Variants in PLD2 observed in about 807,000 individuals in gnomAD.
PLD2 encodes phospholipase D2, also known as choline phosphatase 2.
Under a neutral mutation model 119.8 loss-of-function variants are expected in PLD2, and 101 were observed. The ratio of observed to expected loss-of-function variants is 0.84; its 90% CI spans 0.72 to 0.99. The LOEUF is 0.99. Among genes scored for constraint, PLD2 ranks in the 50% least tolerant of loss-of-function variants. The probability of loss-of-function intolerance (pLI) is 0.00; values close to 1 mark genes in which losing one functional copy is unlikely to be tolerated. For missense variants in PLD2, 1,164 were observed against 1,226.8 expected (o/e 0.95, Z 0.76); for synonymous variants, 494 against 482.8 (o/e 1.02, Z -0.30).
At chr17:4,818,466 C>T (rs376477832) in intron 19 of PLD2, 28 bp from the exon 20 acceptor site, 25 of 1,597,304 alleles carry the variant, frequency 1.6e-5, no homozygotes, top group Admixed American at 5.0e-5. Context: ...AGGGACCAGT[C>T]GCACCTCTGA....
At chr17:4,812,046 C>A (rs1468901153) in intron 10 of PLD2, among the ~76,000 whole-genome samples, 4 of 151,324 alleles carry the variant, frequency 2.6e-5, no homozygotes, top group African/African-American at 9.7e-5. Context: ...AACTCCTGGG[C>A]TCAAGGGATC....
intron 14 of PLD2, 89 bp downstream of exon 14, chr17:4,816,023 C>T: frequency 1.0e-6 from 1 of 977,540 alleles, no homozygotes; most frequent in Non-Finnish European, 1.6e-6. Flanking sequence ...CCCCCTCAGT[C>T]ATTCCAGGCC....
At chr17:4,817,375 C>T (rs1342365903) in intron 17 of PLD2, 116 bp downstream of exon 17, 2 of 782,466 alleles carry the variant, frequency 2.6e-6, no homozygotes, top group African/African-American at 1.7e-5. Flanking sequence ...TTAAGAAGCA[C>T]ATCACGGCCA....
intron 10 of PLD2, among the ~76,000 whole-genome samples, chr17:4,813,791 G>A (rs757297211): frequency 6.6e-6 from 1 of 152,118 alleles, no homozygotes; most frequent in Non-Finnish European, 1.5e-5. Context: ...CCCAAGAGGC[G>A]GAGGTTGCAG....
Position 4,819,780 on chromosome 17 carries a change from C to T in PLD2, c.2462+198C>T, listed in dbSNP as rs189221762. On this transcript the variant is annotated intron_variant, in intron 23 of 24. Coordinates refer to ENST00000263088, the MANE Select transcript of PLD2 (RefSeq NM_002663.5). This position sits in a 1 kb window ranked among gnomAD's most constrained non-coding sequence, Gnocchi z 4.2. ...TGGGAGGCCAAGGCGGGTGGATTGC[C>T]TGAGGTCAGGATTTTGAGACCAGCC... 6.8e-4 allele frequency among the ~76,000 whole-genome samples: 104 copies of T among 151,902 alleles called. No individual in the cohort carries two copies. Among genetic ancestry groups the T allele is most frequent in the Non-Finnish European group, 1.1e-3 (73 of 67,980 alleles).
At position 4,820,722 on chromosome 17, in the gene PLD2, A is replaced by T. The variant is rs9635706; in HGVS notation, c.2463-1071A>T. Among the ~76,000 whole-genome samples the T allele has an allele frequency of 2.7e-5, 4 of 146,648 alleles. No individual in the cohort carries two copies. In the South Asian group the frequency reaches 8.7e-4, roughly 32 times the overall value. On this transcript the variant is annotated intron_variant, in intron 23 of 24. Coordinates refer to ENST00000263088, the MANE Select transcript of PLD2 (RefSeq NM_002663.5). Reference sequence around the variant, plus strand: ...CTCCCGAGTAGCTGGGACTACAGGCACCCGCCACCTCGCCCGGCTAATTTT... The same window carrying T: ...CTCCCGAGTAGCTGGGACTACAGGCTCCCGCCACCTCGCCCGGCTAATTTT...
Position 4,808,498 on chromosome 17 carries a change from C to T in PLD2, c.383+82C>T. ...GTCTGTCTCACCCCGGGGCCACAACCTTTCCTCCCTGCAACTCTGGCCACT... is the reference window on the plus strand; with the variant it reads ...GTCTGTCTCACCCCGGGGCCACAACTTTTCCTCCCTGCAACTCTGGCCACT... On this transcript the variant is annotated intron_variant, in intron 4 of 24. Transcript: ENST00000263088. The surrounding 1 kb of genome is among the most constrained non-coding windows in gnomAD (Gnocchi z 4.1). 1 of 1,403,304 alleles carries T rather than the reference C, an allele frequency of 7.1e-7. No individual in the cohort carries two copies. Among genetic ancestry groups the T allele is most frequent in the Middle Eastern group, 2.4e-4 (1 of 4,190 alleles). The allele number at this position is 1,403,304 out of a possible 1,614,324, so 86.9% of individuals were successfully genotyped here.
chr17:4,818,233 G>C, intron 18 of PLD2, 64 bp from the exon 19 acceptor site: 1 of 1,502,472 alleles, frequency 6.7e-7, no homozygotes. Flanking sequence ...TGGGACCAAG[G>C]CTGGAGGCCG....
intron 9 of PLD2, 152 bp downstream of exon 9, chr17:4,810,181 A>G (rs1906315495): frequency 1.3e-6 from 1 of 778,728 alleles, no homozygotes; most frequent in Non-Finnish European, 2.0e-6. Flanking sequence ...TGGTCTAGCC[A>G]GATGCTTGGG....
intron 12 of PLD2, among the ~76,000 whole-genome samples, 195 bp downstream of exon 12, chr17:4,814,906 A>G (rs1378487297): frequency 1.3e-5 from 2 of 152,110 alleles, no homozygotes; most frequent in African/African-American, 4.8e-5. Context: ...CTTCCTCTTC[A>G]TGCTCCCTCC....
intron 13 of PLD2, 39 bp downstream of exon 13, chr17:4,815,625 C>T: frequency 6.3e-7 from 1 of 1,578,504 alleles, no homozygotes; most frequent in East Asian, 2.2e-5. Context: ...CATGACAGCC[C>T]TTCTCCCCAC....
In PLD2 at chr17:4,808,403, C is replaced by T. The variant is rs1437937539; in HGVS notation, c.370C>T (p.Leu124Phe). 1.2e-6 allele frequency: 2 copies of T among 1,613,718 alleles called. No individual in the cohort carries two copies. The highest frequency in any genetic ancestry group is 1.3e-5 in the African/African-American group (1 of 74,884). ...LLRHKVLMSL[L>F]PLARFAVAYS... ...GAGACACAAAGTCTTGATGAGTCTG[C>T]TCCCTCTGGCTCGGTGAGGGCGACC... Residue 124 changes from leucine (L) to phenylalanine (F), a missense_variant, in exon 4 of 25, where the codon CTC becomes TTC. Leu to Phe is a conservative substitution (Grantham distance 22). Transcript: ENST00000263088. This position sits in a 1 kb window ranked among gnomAD's most constrained non-coding sequence, Gnocchi z 4.1.
rs1311548990 is a variant in PLD2, at chr17:4,809,199, C to T, written c.483C>T (p.Ser161=). Residue 161 remains serine, a synonymous_variant, in exon 5 of 25, where the codon AGC becomes AGT. Transcript: ENST00000263088. ...AGGGCTCCACCAGACATGCAGCCAG[C>T]AAACAGGTGGGACCAGATGCCAGGT... ...GPEGSTRHAA[S]KQKYLENYLN... is the part of the protein sequence containing the mutation. 3 of 1,614,070 alleles carry T rather than the reference C, an allele frequency of 1.9e-6. No individual in the cohort carries two copies. The Admixed American group carries it at 5.0e-5, about 27-fold the overall frequency.
In PLD2 at chr17:4,809,998, C is replaced by G; in HGVS notation, c.829C>G (p.Arg277Gly). The G allele has an allele frequency of 1.2e-6, 2 of 1,613,716 alleles. No individual in the cohort carries two copies. The highest frequency in any genetic ancestry group is 1.7e-6 in the Non-Finnish European group (2 of 1,180,032). The change falls in exon 9 of 25, where the codon CGG (arginine) becomes GGG (glycine). Residue 277 changes from arginine (R) to glycine (G), a missense_variant. Physicochemically the swap from Arg to Gly is moderately radical, Grantham distance 125 (BLOSUM62 -2). Transcript: ENST00000263088. Reference sequence around the variant, plus strand: ...AGTGGGGAAAAGGAGCACGGAGGCACGGCACGGCGTGCGGATCGATACCTC... The same window carrying G: ...AGTGGGGAAAAGGAGCACGGAGGCAGGGCACGGCGTGCGGATCGATACCTC... The part of the protein sequence containing the change: ...VQVGKRSTEA[R>G]HGVRIDTSHR...
At chr17:4,812,893 A>C (rs1906618389) in intron 10 of PLD2, among the ~76,000 whole-genome samples, 1 of 152,204 alleles carries the variant, frequency 6.6e-6, no homozygotes, top group South Asian at 2.1e-4. Flanking sequence ...GAGGAGGAGC[A>C]GTCAGAGGAG....
chr17:4,808,536 C>G lies in PLD2; in HGVS notation c.383+120C>G. ...AACTCTGGCCACTGTGCTGCCTCCCCTGACCCCAGTTACCAGGAAACTTTC... is the reference window on the plus strand; with the variant it reads ...AACTCTGGCCACTGTGCTGCCTCCCGTGACCCCAGTTACCAGGAAACTTTC... On this transcript the variant is annotated intron_variant, in intron 4 of 24. Transcript: ENST00000263088. This position sits in a 1 kb window ranked among gnomAD's most constrained non-coding sequence, Gnocchi z 4.1. 1 of 921,680 alleles carries G rather than the reference C, an allele frequency of 1.1e-6. No homozygotes were observed. Among genetic ancestry groups the G allele is most frequent in the Non-Finnish European group, 1.7e-6 (1 of 593,920 alleles). The allele number at this position is 921,680 out of a possible 1,614,324, so 57.1% of individuals were successfully genotyped here.
chr17:4,808,149 G>T lies in PLD2; in HGVS notation c.240+35G>T. On this transcript the variant is annotated intron_variant, in intron 3 of 24. Transcript: ENST00000263088. The surrounding 1 kb of genome is among the most constrained non-coding windows in gnomAD (Gnocchi z 4.1). ...CTGGCCCCAGGGAGGGGGAAAGGGA[G>T]GGCGGCCCGGAATGGATCCAAGGTG... 1 of 1,596,336 alleles carries T rather than the reference G, an allele frequency of 6.3e-7. No homozygotes were observed. Among genetic ancestry groups the T allele is most frequent in the Non-Finnish European group, 8.6e-7 (1 of 1,167,014 alleles).
At chr17:4,810,260 C>T (rs185836078) in intron 9 of PLD2, among the ~76,000 whole-genome samples, 147 of 152,288 alleles carry the variant, frequency 9.7e-4, no homozygotes, top group Non-Finnish European at 1.5e-3. Flanking sequence ...CTGACATAAA[C>T]GAAATTCCAT....
At position 4,808,349 on chromosome 17, in the gene PLD2, C is replaced by A; in HGVS notation, c.316C>A (p.His106Asn). The change falls in exon 4 of 25, where the codon CAT becomes AAT. Residue 106 changes from histidine (H) to asparagine (N), a missense_variant. Transcript: ENST00000263088. This position sits in a 1 kb window ranked among gnomAD's most constrained non-coding sequence, Gnocchi z 4.1. ...CTGGACAACCAAGAAGAAATACCGTCATTTTCAGGAGCTGCATCGGGACCT... is the reference window on the plus strand; with the variant it reads ...CTGGACAACCAAGAAGAAATACCGTAATTTTCAGGAGCTGCATCGGGACCT... Reference protein sequence around the residue: ...FSWTTKKKYRHFQELHRDLLR... With the variant: ...FSWTTKKKYRNFQELHRDLLR... The A allele has an allele frequency of 1.2e-6, 2 of 1,614,082 alleles. No homozygotes were observed. Among genetic ancestry groups the A allele is most frequent in the Non-Finnish European group, 1.7e-6 (2 of 1,179,958 alleles).
Sources: allele counts gnomAD v4.1 joint callset (sites outside exome capture counted in the v4.1 genomes callset), GRCh38; gene constraint gnomAD v4.1.1; non-coding constraint Gnocchi (gnomAD v3.1); transcripts MANE v1.5; gene names NCBI Gene and HGNC (gene_info 2026-07-23, HGNC 2026-07-21).